Variants in GPR137 observed in about 807,000 individuals in gnomAD.
The protein encoded by GPR137 is integral membrane protein GPR137.
GPR137 carries 20 observed loss-of-function variants against 38.9 expected under a neutral mutation model. The observed-to-expected ratio is 0.51, with a 90% CI of 0.36 to 0.75. The LOEUF is 0.75. Among genes scored for constraint, GPR137 ranks in the 30% least tolerant of loss-of-function variants. The pLI, the probability that GPR137 is intolerant of heterozygous loss-of-function variation, is 0.00. For missense variants in GPR137, 456 were observed against 526.4 expected, an observed-to-expected ratio of 0.87 and a Z score of 1.31; for synonymous variants, 226 against 235.8, an observed-to-expected ratio of 0.96 and a Z score of 0.38.
upstream of GPR137, chr11:64,284,978 C>G: frequency 5.9e-6 from 8 of 1,355,748 alleles, no homozygotes; most frequent in Non-Finnish European, 7.6e-6. Flanking sequence ...TTCAGCCCCT[C>G]TGGGCCTTAG....
chr11:64,284,211 T>C (rs2033681187), upstream of GPR137: 4 of 1,603,466 alleles, frequency 2.5e-6, no homozygotes, highest in Middle Eastern at 3.3e-4. Context: ...GGTTGGCTGC[T>C]CCTGCTGGTG....
chr11:64,285,600 C>G (rs1289030326), upstream of GPR137: 70 of 983,980 alleles, frequency 7.1e-5, no homozygotes, highest in South Asian at 2.1e-3. Context: ...TGGCGGACCC[C>G]CATACAAGTA....
chr11:64,288,109 C>T lies in GPR137; in HGVS notation c.678C>T (p.Val226=), dbSNP rs774317139. 3 of 1,612,396 alleles carry T rather than the reference C, an allele frequency of 1.9e-6. No individual in the cohort carries two copies. Among genetic ancestry groups the T allele is most frequent in the Non-Finnish European group, 2.5e-6 (3 of 1,179,988 alleles). ...CQAAAMGGAM[V]LLYASRACYN... is the part of the protein sequence containing the mutation. ...CGGCCGCGATGGGTGGCGCCATGGT[C>T]CTGCTCTATGCCAGCCGGGCCTGCT... The change falls in exon 4 of 7, where the codon GTC becomes GTT. Residue 226 remains valine (V), a synonymous_variant. Coordinates refer to ENST00000438980, the MANE Select transcript of GPR137 (RefSeq NM_001170880.2). The surrounding 1 kb of genome is among the most constrained non-coding windows in gnomAD (Gnocchi z 5.5).
rs747279633 is a variant in GPR137, at chr11:64,288,164, C to A, written c.733C>A (p.Gln245Lys). The change falls in exon 4 of 7, where the codon CAG becomes AAG. Residue 245 changes from glutamine (Q) to lysine (K), a missense_variant. By Grantham distance (53) the Gln-to-Lys change is moderately conservative. Transcript: ENST00000438980. The surrounding 1 kb of genome is among the most constrained non-coding windows in gnomAD (Gnocchi z 5.5). ...CCTGACAGCACTGGCCTTGGCCCCC[C>A]AGAGCCGGCTGGACACCTTCGATTA... Reference protein sequence around the residue: ...YNLTALALAPQSRLDTFDYDW... With the variant: ...YNLTALALAPKSRLDTFDYDW... 4.3e-6 allele frequency: 7 copies of A among 1,613,182 alleles called. No homozygotes were observed. In the East Asian group the frequency reaches 1.3e-4, roughly 31 times the overall value.
intron 2 of GPR137, chr11:64,276,675 G>T (rs2033090157): frequency 3.8e-6 from 2 of 527,652 alleles, no homozygotes; most frequent in Non-Finnish European, 6.7e-6. Flanking sequence ...AAAACCCTGG[G>T]GGAGTGTCTG....
At chr11:64,285,733 G>C, upstream of GPR137, 3 of 985,382 alleles carry the variant, frequency 3.0e-6, no homozygotes, top group Non-Finnish European at 3.6e-6. Flanking sequence ...CGCAGCTCGC[G>C]CCAATTCTCG....
chr11:64,279,972 C>T (rs1003933143), upstream of GPR137, among the ~76,000 whole-genome samples: 45 of 150,200 alleles, frequency 3.0e-4, no homozygotes, highest in African/African-American at 1.1e-3. Context: ...TCACTTGGGG[C>T]CAGGAGCTCA....
In GPR137 at chr11:64,285,875, C is replaced by G; in HGVS notation, c.-650C>G. 1 of 978,482 alleles carries G rather than the reference C, an allele frequency of 1.0e-6. No individual in the cohort carries two copies. The highest frequency in any genetic ancestry group is 1.2e-6 in the Non-Finnish European group (1 of 823,658). 60.6% of individuals were successfully genotyped at this position (978,482 alleles called of 1,614,324 possible). On this transcript the variant is annotated 5_prime_UTR_variant, in exon 1 of 7. Coordinates refer to ENST00000438980, the MANE Select transcript of GPR137 (RefSeq NM_001170880.2). ...AGCAGCGGGAGCCGGGGAGCCGGAG[C>G]CCCGGGTCCCCACGACCTGAGCCGG...
intron 1 of GPR137, 41 bp from the exon 2 acceptor site, chr11:64,286,924 C>A: frequency 6.2e-7 from 1 of 1,613,262 alleles, no homozygotes; most frequent in Non-Finnish European, 8.5e-7. Flanking sequence ...AGGTGGCAAG[C>A]CTCAAGGACC....
chr11:64,288,972 C>T lies in GPR137; in HGVS notation c.1032-65C>T, dbSNP rs1018762870. On this transcript the variant is annotated intron_variant, in intron 6 of 6. Coordinates refer to ENST00000438980, the MANE Select transcript of GPR137 (RefSeq NM_001170880.2). The surrounding 1 kb of genome is among the most constrained non-coding windows in gnomAD (Gnocchi z 5.5). ...GGTTCTGTTCTAAGCCTGTCTTCCT[C>T]CTGCAGCTCTTGTGACTGTGGCCCT... 30 of 1,465,412 alleles carry T rather than the reference C, an allele frequency of 2.0e-5. No homozygotes were observed. The highest frequency in any genetic ancestry group is 2.8e-5 in the South Asian group (2 of 72,424). 90.8% of individuals were successfully genotyped at this position (1,465,412 alleles called of 1,614,324 possible).
intron 2 of GPR137, 138 bp downstream of exon 2, chr11:64,287,152 A>G: frequency 6.8e-7 from 1 of 1,472,426 alleles, no homozygotes; most frequent in Non-Finnish European, 9.0e-7. Flanking sequence ...GAAAAGTTAA[A>G]GCACCTGGCG....
chr11:64,284,834 T>G (rs652611), upstream of GPR137: 1,504,469 of 1,514,476 alleles, frequency 0.99, 747,776 homozygotes, highest in Non-Finnish European at 1. Context: ...CTCGTCCGCA[T>G]CCTTTTTCCT....
chr11:64,287,607 G>T, intron 2 of GPR137, 114 bp from the exon 3 acceptor site: 1 of 1,544,130 alleles, frequency 6.5e-7, no homozygotes. Context: ...GAGGAACAGG[G>T]CTCAGACTGG....
upstream of GPR137, chr11:64,284,990 T>G (rs964378240): frequency 1.3e-5 from 17 of 1,305,236 alleles, no homozygotes; most frequent in East Asian, 6.2e-5. Flanking sequence ...GGGCCTTAGT[T>G]TCCCCCCAGT....
chr11:64,276,181 A>C (rs1051077053), intron 1 of GPR137, among the ~76,000 whole-genome samples: 1 of 152,170 alleles, frequency 6.6e-6, no homozygotes, highest in Non-Finnish European at 1.5e-5. Flanking sequence ...GTTTTTCACC[A>C]AATTCGTGGA....
upstream of GPR137, chr11:64,284,907 G>A: frequency 7.0e-7 from 1 of 1,426,518 alleles, no homozygotes; most frequent in Non-Finnish European, 9.2e-7. Flanking sequence ...TGTGGGAGCA[G>A]GAGAGGGATT....
chr11:64,271,162 A>G (rs11231734), upstream of GPR137, among the ~76,000 whole-genome samples: 170 of 208 alleles, frequency 0.82, 80 homozygotes, highest in East Asian at 1. Flanking sequence ...ACACACACAC[A>G]CCTGGAGTGG....
upstream of GPR137, among the ~76,000 whole-genome samples, chr11:64,273,250 G>A (rs2032775044): frequency 6.6e-6 from 1 of 152,176 alleles, no homozygotes; most frequent in Non-Finnish European, 1.5e-5. Flanking sequence ...GTTCACGCCT[G>A]TAGTCCCAGC....
upstream of GPR137, among the ~76,000 whole-genome samples, chr11:64,281,870 G>A (rs182212885): frequency 4.3e-4 from 65 of 152,296 alleles, no homozygotes; most frequent in East Asian, 0.01. Context: ...ATAGGTGCGC[G>A]CCACCATGCC....
Sources: allele counts gnomAD v4.1 joint callset (sites outside exome capture counted in the v4.1 genomes callset), GRCh38; gene constraint gnomAD v4.1.1; non-coding constraint Gnocchi (gnomAD v3.1); transcripts MANE v1.5; gene names NCBI Gene and HGNC (gene_info 2026-07-23, HGNC 2026-07-21).